CYP2J2: variants seen among roughly 807,000 people sequenced by gnomAD.
The protein encoded by CYP2J2 is cytochrome P450 2J2.
In CYP2J2, 41 loss-of-function variants were observed where a neutral mutation model predicts 48.8. That is an observed-to-expected ratio of 0.84 (90% CI 0.66 to 1.09). CYP2J2 has a LOEUF of 1.09. Among genes scored for constraint, CYP2J2 ranks in the 50% least tolerant of loss-of-function variants. The pLI, the probability that CYP2J2 is intolerant of heterozygous loss-of-function variation, is 0.00. For synonymous variants in CYP2J2, 221 were observed against 227.1 expected, an observed-to-expected ratio of 0.97 and a Z score of 0.24; for missense variants, 644 against 617.3, an observed-to-expected ratio of 1.04 and a Z score of -0.46.
chr1:59,936,781 G>T, the CYP2J2 span, among the ~76,000 whole-genome samples: 6 of 152,306 alleles, frequency 3.9e-5, no homozygotes, highest in Admixed American at 3.3e-4. Flanking sequence ...GATATTCCCT[G>T]ATGGAGTGAT....
chr1:59,951,882 T>C, the CYP2J2 span, among the ~76,000 whole-genome samples: 1 of 152,308 alleles, frequency 6.6e-6, no homozygotes, highest in Admixed American at 6.5e-5. Flanking sequence ...TTTGACCCTA[T>C]TGCCCTCTGA....
chr1:59,962,124 T>C, the CYP2J2 span, among the ~76,000 whole-genome samples: 1 of 152,162 alleles, frequency 6.6e-6, no homozygotes, highest in East Asian at 1.9e-4. Context: ...GGTATGTAGA[T>C]ATCTCAATAA....
At chr1:59,944,845 A>C in the CYP2J2 span, among the ~76,000 whole-genome samples, 1 of 152,182 alleles carries the variant, frequency 6.6e-6, no homozygotes, top group Non-Finnish European at 1.5e-5. Context: ...ACTTTAAAAA[A>C]AGCCATTTGC....
chr1:59,967,046 C>T, the CYP2J2 span, among the ~76,000 whole-genome samples: 1 of 152,090 alleles, frequency 6.6e-6, no homozygotes, highest in South Asian at 2.1e-4. Context: ...TGTTTTTCTC[C>T]CCTGAAATAT....
At chr1:59,908,845 T>C (rs2102119949) in intron 5 of CYP2J2, among the ~76,000 whole-genome samples, 1 of 152,300 alleles carries the variant, frequency 6.6e-6, no homozygotes, top group Middle Eastern at 3.4e-3. Flanking sequence ...TGGCCTATAA[T>C]GTTGGAAAGT....
chr1:59,905,945 G>T lies in CYP2J2; in HGVS notation c.1004-887C>A, dbSNP rs564410194. ...CTCACGCTTGTAATCCCAGCACTTT[G>T]GGAGGCCAACGCAGGCGGATCACGA... On this transcript the variant is annotated intron_variant, in intron 6 of 8. Transcript: ENST00000371204. Among the ~76,000 whole-genome samples, 9 of 152,300 alleles carry T rather than the reference G, an allele frequency of 5.9e-5. No individual in the cohort carries two copies. The East Asian group carries it at 1.7e-3, about 29-fold the overall frequency.
chr1:59,908,834 C>T (rs531400800), intron 5 of CYP2J2, among the ~76,000 whole-genome samples: 1 of 152,284 alleles, frequency 6.6e-6, no homozygotes, highest in South Asian at 2.1e-4. Context: ...TTCCTCACCT[C>T]TGGCCTATAA....
chr1:59,900,650 A>C (rs1644311071), intron 8 of CYP2J2, among the ~76,000 whole-genome samples: 1 of 152,166 alleles, frequency 6.6e-6, no homozygotes, highest in African/African-American at 2.4e-5. Flanking sequence ...AAAGAAAAAA[A>C]ATGGAAGCAC....
chr1:59,951,264 T>C, the CYP2J2 span, among the ~76,000 whole-genome samples: 19,346 of 152,178 alleles, frequency 0.13, 1,703 homozygotes, highest in African/African-American at 0.25. Context: ...TACAACTTCC[T>C]TTTTATTTAT....
At chr1:59,962,904 A>G in the CYP2J2 span, among the ~76,000 whole-genome samples, 2 of 152,184 alleles carry the variant, frequency 1.3e-5, no homozygotes, top group Non-Finnish European at 2.9e-5. Flanking sequence ...GCAACCATCC[A>G]GTTTCTGAAT....
chr1:59,933,555 A>G, the CYP2J2 span, among the ~76,000 whole-genome samples: 1 of 152,174 alleles, frequency 6.6e-6, no homozygotes, highest in African/African-American at 2.4e-5. Context: ...GAATTTGCTT[A>G]TTAGTTCTAA....
intron 1 of CYP2J2, among the ~76,000 whole-genome samples, chr1:59,918,200 C>T (rs1193101445): frequency 6.6e-6 from 1 of 151,980 alleles, no homozygotes; most frequent in Admixed American, 6.6e-5. Context: ...TTTTAATGTA[C>T]CCTTGCTGAA....
intron 8 of CYP2J2, among the ~76,000 whole-genome samples, chr1:59,894,848 C>A (rs530281451): frequency 5.5e-4 from 84 of 152,220 alleles, no homozygotes; most frequent in African/African-American, 2.0e-3. Flanking sequence ...AAAAGATGAC[C>A]TCTAAAGAAA....
chr1:59,908,079 C>G, intron 5 of CYP2J2, 152 bp from the exon 6 acceptor site: 1 of 686,488 alleles, frequency 1.5e-6, no homozygotes, highest in Non-Finnish European at 2.5e-6. Context: ...AAGGCAGACT[C>G]TTATTACAGC....
chr1:59,899,303 A>G (rs1348358070), intron 8 of CYP2J2, among the ~76,000 whole-genome samples: 3 of 152,232 alleles, frequency 2.0e-5, no homozygotes, highest in Non-Finnish European at 2.9e-5. Flanking sequence ...GTCTTATATC[A>G]GCTTTCATAT....
Position 59,904,899 on chromosome 1 carries a change from G to T in CYP2J2, c.1163C>A (p.Thr388Asn). Reference protein sequence around the residue: ...LNVPREVTVDTTLAGYHLPKG... With the variant: ...LNVPREVTVDNTLAGYHLPKG... The stretch of plus-strand genomic sequence containing the variant: ...GGGCAGGTGGTACCCAGCCAAAGTG[G>T]TATCAACTGTCACTTCCCTGGGAAC... The change falls in exon 7 of 9, where the codon ACC becomes AAC. Residue 388 changes from threonine (T) to asparagine (N), a missense_variant. Coordinates refer to ENST00000371204, the MANE Select transcript of CYP2J2 (RefSeq NM_000775.4). The T allele has an allele frequency of 6.2e-7, 1 of 1,613,804 alleles. No homozygotes were observed.
chr1:59,933,391 A>T, the CYP2J2 span, among the ~76,000 whole-genome samples: 18 of 152,366 alleles, frequency 1.2e-4, no homozygotes, highest in African/African-American at 4.3e-4. Context: ...AACTACATCA[A>T]TAATCATTTT....
chr1:59,912,240 CA>C lies in CYP2J2; in HGVS notation c.444del (p.Phe148LeufsTer3). 1 of 1,613,922 alleles carries C rather than the reference CA, an allele frequency of 6.2e-7. No individual in the cohort carries two copies. Among genetic ancestry groups the C allele is most frequent in the Non-Finnish European group, 8.5e-7 (1 of 1,179,854 alleles). ...RRFTLTALRN[F>X]GLGKKSLEER... ...TCCTCTAAGCTCTTCTTTCCTAAAC[CA>C]AAGTTCCTTAGTGCTGTCAGAGTGA... is the stretch of plus-strand genomic sequence containing the variant. On this transcript the variant is annotated frameshift_variant, in exon 3 of 9. Coordinates refer to ENST00000371204, the MANE Select transcript of CYP2J2 (RefSeq NM_000775.4). LOFTEE classifies it high-confidence loss of function.
the CYP2J2 span, among the ~76,000 whole-genome samples, chr1:59,939,757 T>G: frequency 4.6e-5 from 7 of 152,322 alleles, no homozygotes; most frequent in Admixed American, 3.3e-4. Flanking sequence ...TGACGTTCTA[T>G]TGCACTGCAC....
Sources: allele counts gnomAD v4.1 joint callset (sites outside exome capture counted in the v4.1 genomes callset), GRCh38; gene constraint gnomAD v4.1.1; transcripts MANE v1.5; gene names NCBI Gene and HGNC (gene_info 2026-07-23, HGNC 2026-07-21).